Variants in RXYLT1 observed in about 807,000 individuals in gnomAD.
RXYLT1 encodes ribitol xylosyltransferase 1.
RXYLT1 carries 41 observed loss-of-function variants against 43.5 expected under a neutral mutation model. That is an observed-to-expected ratio of 0.94 (90% CI 0.73 to 1.22). The LOEUF (loss-of-function observed/expected upper bound fraction) is 1.22, where lower values mean the gene tolerates loss of function less well. Ranked by LOEUF, RXYLT1 falls within the 50% of genes most tolerant of loss-of-function variation. The probability of loss-of-function intolerance (pLI) is 0.00; values close to 1 mark genes in which losing one functional copy is unlikely to be tolerated. For missense variants in RXYLT1, 514 were observed against 532.0 expected (o/e 0.97, Z 0.33); for synonymous variants, 166 against 194.4 (o/e 0.85, Z 1.21).
intron 3 of RXYLT1, among the ~76,000 whole-genome samples, chr12:63,800,686 C>G (rs1475281148): frequency 6.6e-6 from 1 of 152,030 alleles, no homozygotes; most frequent in African/African-American, 2.4e-5. Context: ...GTTGGAAGGC[C>G]AAGGCAGGTG....
intron 3 of RXYLT1, among the ~76,000 whole-genome samples, chr12:63,794,586 G>C (rs1565902996): frequency 6.6e-6 from 1 of 152,092 alleles, no homozygotes; most frequent in East Asian, 1.9e-4. Context: ...ATAGCTGAAG[G>C]GGGTAGTGGA....
chr12:63,796,876 T>TA (rs953299209), intron 3 of RXYLT1, among the ~76,000 whole-genome samples: 16 of 148,256 alleles, frequency 1.1e-4, no homozygotes, highest in African/African-American at 2.5e-4. Flanking sequence ...GTCCTGTCGA[T>TA]AAAAAAAAGA....
Position 63,808,631 on chromosome 12 carries a change from T to C in RXYLT1, c.915-44T>C, listed in dbSNP as rs760793132. On this transcript the variant is annotated intron_variant, in intron 5 of 5. Transcript: ENST00000261234. ...AAGGTATTTTTGTTCACAAACTATA[T>C]ACTTAGTAAAGTGAAAACTACAGTT... 1.1e-5 allele frequency: 18 copies of C among 1,571,504 alleles called. No individual in the cohort carries two copies. The East Asian group carries it at 2.0e-4, about 18-fold the overall frequency.
At chr12:63,797,759 G>A (rs970688329) in intron 3 of RXYLT1, among the ~76,000 whole-genome samples, 1 of 151,148 alleles carries the variant, frequency 6.6e-6, no homozygotes, top group African/African-American at 2.4e-5. Context: ...GGGGGAAAGT[G>A]ATTTGAAGGA....
intron 1 of RXYLT1, 35 bp downstream of exon 1, chr12:63,780,164 C>G: frequency 2.1e-6 from 3 of 1,429,504 alleles, no homozygotes; most frequent in Non-Finnish European, 1.8e-6. Context: ...TCCGGCTCTG[C>G]GCTCCTGGCT....
intron 2 of RXYLT1, 61 bp downstream of exon 2, chr12:63,781,235 T>C (rs1897676806): frequency 9.7e-6 from 13 of 1,333,512 alleles, no homozygotes; most frequent in Non-Finnish European, 1.3e-5. Context: ...TTTATTGATA[T>C]GAAATTCATT....
chr12:63,788,709 G>T (rs1316459534), intron 3 of RXYLT1, among the ~76,000 whole-genome samples: 1 of 152,160 alleles, frequency 6.6e-6, no homozygotes, highest in Non-Finnish European at 1.5e-5. Context: ...CCTCTATCCA[G>T]ACTATTAAAC....
Position 63,802,419 on chromosome 12 carries a change from A to G in RXYLT1, c.743+14A>G. The stretch of plus-strand genomic sequence containing the variant: ...AGGAGTAGCAACGTAAGTACAAAAT[A>G]TGATTAAACATTTTTAGGCCCTAAC... On this transcript the variant is annotated intron_variant, in intron 4 of 5. Coordinates refer to ENST00000261234, the MANE Select transcript of RXYLT1 (RefSeq NM_014254.3). The G allele has an allele frequency of 6.5e-7, 1 of 1,534,412 alleles. No homozygotes were observed. The highest frequency in any genetic ancestry group is 2.2e-5 in the Admixed American group (1 of 45,638).
At chr12:63,784,897 T>A (rs1410479511) in intron 2 of RXYLT1, 73 bp from the exon 3 acceptor site, 3 of 1,329,216 alleles carry the variant, frequency 2.3e-6, no homozygotes, top group African/African-American at 1.5e-5. Flanking sequence ...GAACAGAACG[T>A]AAACTTGTCT....
intron 5 of RXYLT1, 92 bp downstream of exon 5, chr12:63,805,496 A>G (rs1898269836): frequency 7.9e-7 from 1 of 1,258,688 alleles, no homozygotes; most frequent in Non-Finnish European, 1.1e-6. Flanking sequence ...AGGCATTGTT[A>G]ACTCTATTTG....
chr12:63,788,832 T>C (rs1311412466), intron 3 of RXYLT1, among the ~76,000 whole-genome samples: 1 of 152,250 alleles, frequency 6.6e-6, no homozygotes, highest in African/African-American at 2.4e-5. Context: ...CCACCTTGAC[T>C]GTTTGGCATA....
At chr12:63,782,403 C>T (rs1897706259) in intron 2 of RXYLT1, 1 of 430,720 alleles carries the variant, frequency 2.3e-6, no homozygotes, top group African/African-American at 2.0e-5. Flanking sequence ...CAGCCACACT[C>T]TTGAAGTCAT....
chr12:63,783,987 C>G (rs899335751), intron 2 of RXYLT1, among the ~76,000 whole-genome samples: 2 of 152,146 alleles, frequency 1.3e-5, no homozygotes, highest in African/African-American at 4.8e-5. Flanking sequence ...CCTTGCCTCA[C>G]TCTGACACTC....
At position 63,802,384 on chromosome 12, in the gene RXYLT1, A is replaced by G; in HGVS notation, c.722A>G (p.Gln241Arg). The change falls in exon 4 of 6, where the codon CAG (glutamine) becomes CGG (arginine). Residue 241 changes from glutamine (Q) to arginine (R), a missense_variant. By Grantham distance (43) the Gln-to-Arg change is conservative. Transcript: ENST00000261234. ...TGGATTAATGACGTGGATGTTTTTCAGTGGCCTTTAGGAGTAGCAACGTAA... is the reference window on the plus strand; with the variant it reads ...TGGATTAATGACGTGGATGTTTTTCGGTGGCCTTTAGGAGTAGCAACGTAA... The part of the protein sequence containing the change: ...SPWINDVDVF[Q>R]WPLGVATYRN... 6.3e-7 allele frequency: 1 copy of G among 1,589,706 alleles called. No homozygotes were observed.
intron 3 of RXYLT1, among the ~76,000 whole-genome samples, chr12:63,788,041 C>CTG: frequency 1.3e-5 from 2 of 152,194 alleles, no homozygotes; most frequent in Admixed American, 6.5e-5. Context: ...TGTACATCTC[C>CTG]ATCAGATCTC....
At chr12:63,788,387 T>A (rs1486865763) in intron 3 of RXYLT1, among the ~76,000 whole-genome samples, 1 of 152,236 alleles carries the variant, frequency 6.6e-6, no homozygotes, top group Non-Finnish European at 1.5e-5. Flanking sequence ...CTAGATGTCA[T>A]CTTCTGCTGA....
intron 5 of RXYLT1, chr12:63,807,135 G>C (rs899532115): frequency 2.6e-5 from 4 of 152,240 alleles, no homozygotes; most frequent in Non-Finnish European, 5.9e-5. Flanking sequence ...ATCTGACTCT[G>C]ACAATTCAGC....
chr12:63,801,385 G>A (rs543943884), intron 3 of RXYLT1, among the ~76,000 whole-genome samples: 5 of 152,046 alleles, frequency 3.3e-5, no homozygotes, highest in African/African-American at 9.7e-5. Flanking sequence ...ACCATAAAAG[G>A]GTTGAGAACT....
chr12:63,796,807 T>C (rs1231085644), intron 3 of RXYLT1, among the ~76,000 whole-genome samples: 1 of 151,624 alleles, frequency 6.6e-6, no homozygotes, highest in Non-Finnish European at 1.5e-5. Context: ...ATAAAGAAAG[T>C]GCAATCCCAA....
Sources: gnomAD v4.1 joint callset for allele counts (sites outside exome capture counted in the v4.1 genomes callset) on GRCh38, gnomAD v4.1.1 for gene constraint, MANE v1.5 for transcripts, NCBI Gene and HGNC (gene_info 2026-07-23, HGNC 2026-07-21) for gene names.